The following MARK3 variants were observed in gnomAD, a reference collection of about 807,000 sequenced individuals.
MARK3 encodes MAP/microtubule affinity-regulating kinase 3.
In MARK3, 46 loss-of-function variants were observed where a neutral mutation model predicts 90.1. That is an observed-to-expected ratio of 0.51 (90% CI 0.40 to 0.65). The LOEUF (loss-of-function observed/expected upper bound fraction) is 0.65. Ranked by LOEUF, MARK3 falls within the 30% of genes least tolerant of loss-of-function variation. The pLI is 0.00. For synonymous variants in MARK3, 321 were observed against 332.6 expected, an observed-to-expected ratio of 0.97 and a Z score of 0.38; for missense variants, 818 against 947.2, an observed-to-expected ratio of 0.86 and a Z score of 1.79.
rs2142016350 is a variant in MARK3 at position 103,491,797 on chromosome 14, C to T, written c.1607C>T (p.Thr536Ile). 1.9e-6 allele frequency: 3 copies of T among 1,614,148 alleles called. No individual in the cohort carries two copies. The East Asian group carries it at 6.7e-5, about 36-fold the overall frequency. Residue 536 changes from threonine (T) to isoleucine (I), a missense_variant, in exon 15 of 18, where the codon ACT becomes ATT. Thr to Ile is a moderately conservative substitution (Grantham distance 89). Transcript: ENST00000429436. Reference sequence around the variant, plus strand: ...CATAGCACTATTCCTGATCAGAGAACTCCAGTTGCTTCAACACACAGTATC... The same window carrying T: ...CATAGCACTATTCCTGATCAGAGAATTCCAGTTGCTTCAACACACAGTATC... ...KENSTIPDQR[T>I]PVASTHSISS... is the part of the protein sequence containing the mutation.
chr14:103,501,785 T>C (rs2075681696), intron 17 of MARK3, among the ~76,000 whole-genome samples: 2 of 152,196 alleles, frequency 1.3e-5, no homozygotes, highest in African/African-American at 4.8e-5. Context: ...TTTGAGAGCT[T>C]TTGCTTATCT....
intron 15 of MARK3, among the ~76,000 whole-genome samples, chr14:103,497,088 T>C (rs780712000): frequency 1.2e-4 from 19 of 152,128 alleles, no homozygotes; most frequent in Non-Finnish European, 2.5e-4. Context: ...GAAACGAAAA[T>C]ATATCTTAAA....
At chr14:103,419,116 G>A (rs868695624) in intron 2 of MARK3, among the ~76,000 whole-genome samples, 10 of 152,166 alleles carry the variant, frequency 6.6e-5, no homozygotes, top group South Asian at 6.2e-4. Context: ...GTGAAACCCC[G>A]TCTCTACTAA....
At position 103,412,524 on chromosome 14, in the gene MARK3, A is replaced by T. The variant is rs1422700927; in HGVS notation, c.243+7257A>T. 2.4e-5 allele frequency: 13 copies of T among 534,950 alleles called. No homozygotes were observed. The Admixed American group carries it at 3.1e-4, about 13-fold the overall frequency. 33.1% of individuals were successfully genotyped at this position (534,950 alleles called of 1,614,324 possible). A position where few individuals can be genotyped will look rare whatever the true frequency, so the allele number is the denominator to read the frequency against. ...GGCACCTCAGTGTCCACTTGGGGGGATATCCGTGGCCTTGGTCTCGTCACA... is the reference window on the plus strand; with the variant it reads ...GGCACCTCAGTGTCCACTTGGGGGGTTATCCGTGGCCTTGGTCTCGTCACA... On this transcript the variant is annotated intron_variant, in intron 2 of 17. Transcript: ENST00000429436.
At chr14:103,396,784 G>T (rs1438888487) in intron 1 of MARK3, among the ~76,000 whole-genome samples, 2 of 151,936 alleles carry the variant, frequency 1.3e-5, no homozygotes, top group African/African-American at 2.4e-5. Context: ...ACATCTTGGG[G>T]TACCTTTTTT....
At chr14:103,468,949 G>T (rs975643429) in intron 12 of MARK3, among the ~76,000 whole-genome samples, 2 of 151,688 alleles carry the variant, frequency 1.3e-5, no homozygotes, top group African/African-American at 4.8e-5. Context: ...GCGCTGTACC[G>T]AACTGAATAG....
intron 2 of MARK3, among the ~76,000 whole-genome samples, chr14:103,419,456 A>G (rs892323146): frequency 6.6e-6 from 1 of 152,224 alleles, no homozygotes; most frequent in Non-Finnish European, 1.5e-5. Flanking sequence ...TAAATAACAT[A>G]TTTTTATGAA....
chr14:103,503,371 G>C lies in MARK3; in HGVS notation c.*144G>C. 1 of 758,918 alleles carries C rather than the reference G, an allele frequency of 1.3e-6. No individual in the cohort carries two copies. The highest frequency in any genetic ancestry group is 2.1e-6 in the Non-Finnish European group (1 of 483,342). 47.0% of individuals were successfully genotyped at this position (758,918 alleles called of 1,614,324 possible). A position where few individuals can be genotyped will look rare whatever the true frequency, so the allele number is the denominator to read the frequency against. On this transcript the variant is annotated 3_prime_UTR_variant, in exon 18 of 18. Transcript: ENST00000429436. ...TCTGAGGACGAGAGCACGCCTGGGA[G>C]CGAAAGCTGGCCTTTTTTCTACGAA...
intron 2 of MARK3, among the ~76,000 whole-genome samples, 190 bp from the exon 3 acceptor site, chr14:103,428,196 GT>G (rs1287486864): frequency 1.3e-5 from 2 of 152,112 alleles, no homozygotes; most frequent in Non-Finnish European, 2.9e-5. Flanking sequence ...AGAAAGCATT[GT>G]TATAGAAGCC....
intron 11 of MARK3, chr14:103,467,674 C>CAAAAAAAATAA (rs2093537437): frequency 2.2e-5 from 1 of 44,910 alleles, no homozygotes; most frequent in Non-Finnish European, 3.6e-5. Flanking sequence ...GACTCTGTCT[C>CAAAAAAAATAA]AAAAAAAAAA....
At chr14:103,392,764 A>C (rs1384811773) in intron 1 of MARK3, among the ~76,000 whole-genome samples, 3 of 152,098 alleles carry the variant, frequency 2.0e-5, no homozygotes, top group African/African-American at 7.2e-5. Flanking sequence ...TACTTTGTAG[A>C]GTATCTCATT....
At chr14:103,499,508 G>T (rs1471866646) in intron 16 of MARK3, 1 of 152,176 alleles carries the variant, frequency 6.6e-6, no homozygotes, top group Non-Finnish European at 1.5e-5. Flanking sequence ...CAAAAATATT[G>T]CTTTCTTAAT....
At chr14:103,498,596 G>T in intron 16 of MARK3, 68 bp downstream of exon 16, 1 of 1,287,094 alleles carries the variant, frequency 7.8e-7, no homozygotes, top group South Asian at 2.2e-5. Context: ...ATTAACATTA[G>T]GTTTGGCTTT....
At chr14:103,491,203 G>A in intron 14 of MARK3, 1 of 936,498 alleles carries the variant, frequency 1.1e-6, no homozygotes, top group Non-Finnish European at 1.4e-6. Flanking sequence ...TGTTACAGTT[G>A]TCCACAAGGC....
chr14:103,448,062 C>T (rs1368951355), intron 3 of MARK3, among the ~76,000 whole-genome samples: 2 of 152,164 alleles, frequency 1.3e-5, no homozygotes, highest in African/African-American at 4.8e-5. Flanking sequence ...TGTGAGCCAC[C>T]GTGCTCGGCT....
intron 3 of MARK3, among the ~76,000 whole-genome samples, chr14:103,431,365 G>A (rs184596286): frequency 2.0e-4 from 30 of 152,136 alleles, no homozygotes; most frequent in African/African-American, 6.5e-4. Flanking sequence ...CCACTTGCTG[G>A]GATTACACGT....
chr14:103,454,000 C>T (rs1008992072), intron 5 of MARK3, among the ~76,000 whole-genome samples: 1 of 152,158 alleles, frequency 6.6e-6, no homozygotes. Context: ...AGAGATTACT[C>T]ATATAGGGGC....
chr14:103,389,316 A>T (rs1309681686), intron 1 of MARK3, among the ~76,000 whole-genome samples: 1 of 151,166 alleles, frequency 6.6e-6, no homozygotes, highest in Non-Finnish European at 1.5e-5. Flanking sequence ...GTGAGCCGAG[A>T]TTGGGCCACC....
chr14:103,391,594 A>G (rs2090246466), intron 1 of MARK3, among the ~76,000 whole-genome samples: 1 of 147,392 alleles, frequency 6.8e-6, no homozygotes, highest in Non-Finnish European at 1.5e-5. Context: ...CCCAGGTTGG[A>G]GTGCAGTGGT....
Sources: gnomAD v4.1 joint callset for allele counts (sites outside exome capture counted in the v4.1 genomes callset) on GRCh38, gnomAD v4.1.1 for gene constraint, MANE v1.5 for transcripts, NCBI Gene and HGNC (gene_info 2026-07-23, HGNC 2026-07-21) for gene names.